Variants in KIF21A observed in about 807,000 individuals in gnomAD.
KIF21A encodes the protein kinesin-like protein KIF21A.
In KIF21A, 114 loss-of-function variants were observed where a neutral mutation model predicts 202.9. The ratio of observed to expected loss-of-function variants is 0.56; its 90% CI spans 0.48 to 0.66. The LOEUF (loss-of-function observed/expected upper bound fraction) is 0.66. KIF21A is among the 30% of genes least tolerant of loss of function. The pLI is 0.00. For synonymous variants in KIF21A, 667 were observed against 670.8 expected, an observed-to-expected ratio of 0.99 and a Z score of 0.09; for missense variants, 1,677 against 1,994.9, an observed-to-expected ratio of 0.84 and a Z score of 3.04.
At chr12:39,297,375 C>G (rs950763426) in intron 37 of KIF21A, among the ~76,000 whole-genome samples, 7 of 151,930 alleles carry the variant, frequency 4.6e-5, no homozygotes, top group Admixed American at 2.0e-4. Flanking sequence ...AAGAAAATGT[C>G]GCACATATAC....
intron 3 of KIF21A, 142 bp from the exon 4 acceptor site, chr12:39,368,174 T>C: frequency 4.9e-6 from 3 of 608,488 alleles, no homozygotes; most frequent in Non-Finnish European, 8.6e-6. Context: ...CACATTAAAA[T>C]GAATGAGGCT....
chr12:39,310,746 A>G (rs1943948665), intron 32 of KIF21A, among the ~76,000 whole-genome samples: 1 of 152,014 alleles, frequency 6.6e-6, no homozygotes, highest in Non-Finnish European at 1.5e-5. Flanking sequence ...GCTGGGCATA[A>G]TTCCTCTCTT....
chr12:39,336,466 A>T (rs1946981013), intron 17 of KIF21A, among the ~76,000 whole-genome samples: 1 of 152,200 alleles, frequency 6.6e-6, no homozygotes, highest in African/African-American at 2.4e-5. Flanking sequence ...ATAAGTATAC[A>T]GTTTCAAAAT....
intron 1 of KIF21A, among the ~76,000 whole-genome samples, chr12:39,380,068 G>A (rs1362127438): frequency 6.6e-5 from 10 of 152,078 alleles, no homozygotes; most frequent in Non-Finnish European, 1.5e-4. Context: ...CCCAGGTTCA[G>A]GCAATTCTCC....
At chr12:39,326,184 A>G in intron 25 of KIF21A, 80 bp downstream of exon 25, 1 of 1,083,796 alleles carries the variant, frequency 9.2e-7, no homozygotes, top group Non-Finnish European at 1.4e-6. Flanking sequence ...TTTCTGTTTT[A>G]TGGTAATTGT....
intron 31 of KIF21A, among the ~76,000 whole-genome samples, chr12:39,314,531 C>A (rs1592087605): frequency 2.0e-5 from 3 of 151,634 alleles, no homozygotes. Context: ...ATATATAGGT[C>A]AAAAAGCTGA....
At chr12:39,414,874 A>G (rs1953410156) in intron 1 of KIF21A, among the ~76,000 whole-genome samples, 1 of 151,676 alleles carries the variant, frequency 6.6e-6, no homozygotes, top group Non-Finnish European at 1.5e-5. Context: ...ATTACTTACT[A>G]TATACAAGGT....
At chr12:39,437,041 G>A (rs1156329190) in intron 1 of KIF21A, among the ~76,000 whole-genome samples, 2 of 152,100 alleles carry the variant, frequency 1.3e-5, no homozygotes, top group East Asian at 1.9e-4. Flanking sequence ...TTATAAGTCC[G>A]AGACTCATCT....
At chr12:39,295,912 C>T (rs1159330363) in intron 37 of KIF21A, among the ~76,000 whole-genome samples, 24 of 150,926 alleles carry the variant, frequency 1.6e-4, no homozygotes, top group African/African-American at 5.6e-4. Context: ...ACCATGTTGG[C>T]CAGCCTCGAT....
intron 35 of KIF21A, among the ~76,000 whole-genome samples, chr12:39,303,686 A>G (rs1565643338): frequency 1.3e-5 from 2 of 152,194 alleles, no homozygotes; most frequent in African/African-American, 4.8e-5. Flanking sequence ...AAAATATTAC[A>G]TATCAATCCA....
chr12:39,359,994 C>T (rs754072769), intron 7 of KIF21A, among the ~76,000 whole-genome samples: 1 of 151,958 alleles, frequency 6.6e-6, no homozygotes, highest in Non-Finnish European at 1.5e-5. Flanking sequence ...TATTAACTCA[C>T]CACAAATTGG....
At chr12:39,376,619 T>C (rs1950285769) in intron 1 of KIF21A, among the ~76,000 whole-genome samples, 1 of 152,296 alleles carries the variant, frequency 6.6e-6, no homozygotes. Flanking sequence ...AATAAGTCTA[T>C]GCTATTATAG....
In KIF21A at chr12:39,317,929, T is replaced by C. The variant is rs1278973812; in HGVS notation, c.3908+144A>G. 5 of 812,144 alleles carry C rather than the reference T, an allele frequency of 6.2e-6. No homozygotes were observed. In the East Asian group the frequency reaches 8.0e-5, roughly 13 times the overall value. The allele number at this position is 812,144 out of a possible 1,614,324, so 50.3% of individuals were successfully genotyped here. On this transcript the variant is annotated intron_variant, in intron 29 of 37. Transcript: ENST00000361418. ...TTTTGGCTGCATGGTTCCTTTCCCATTGGAAAGATGCATAAAATATGGCAA... is the reference window on the plus strand; with the variant it reads ...TTTTGGCTGCATGGTTCCTTTCCCACTGGAAAGATGCATAAAATATGGCAA...
intron 1 of KIF21A, among the ~76,000 whole-genome samples, chr12:39,420,074 T>TAAAAAAAAAAAAA (rs72435342): frequency 1.1e-4 from 9 of 83,070 alleles, no homozygotes; most frequent in Admixed American, 4.2e-4. Flanking sequence ...AGACAGAAAG[T>TAAAAAAAAAAAAA]AAAAAAAAAA....
chr12:39,317,801 T>C (rs1944728085), intron 29 of KIF21A, among the ~76,000 whole-genome samples: 1 of 152,196 alleles, frequency 6.6e-6, no homozygotes, highest in South Asian at 2.1e-4. Context: ...GATTTTTCAG[T>C]TCTAATTTAC....
intron 1 of KIF21A, among the ~76,000 whole-genome samples, chr12:39,372,531 C>T (rs567716173): frequency 1.3e-5 from 2 of 152,198 alleles, no homozygotes; most frequent in East Asian, 1.9e-4. Flanking sequence ...TCCAAGATTG[C>T]TTTTAGATCT....
intron 1 of KIF21A, among the ~76,000 whole-genome samples, chr12:39,417,625 C>T (rs527751054): frequency 6.6e-6 from 1 of 152,206 alleles, no homozygotes; most frequent in South Asian, 2.1e-4. Flanking sequence ...ATACCAATAA[C>T]ACTTAATTTT....
intron 33 of KIF21A, among the ~76,000 whole-genome samples, chr12:39,309,164 T>A (rs1360324053): frequency 6.6e-6 from 1 of 152,170 alleles, no homozygotes; most frequent in South Asian, 2.1e-4. Flanking sequence ...CTTTTCAATC[T>A]CTGTTAATTA....
intron 1 of KIF21A, among the ~76,000 whole-genome samples, chr12:39,409,559 C>G (rs1347326241): frequency 6.7e-6 from 1 of 149,690 alleles, no homozygotes; most frequent in Non-Finnish European, 1.5e-5. Context: ...TAAATATTAC[C>G]AAAGATGGAG....
Sources: allele counts gnomAD v4.1 joint callset (sites outside exome capture counted in the v4.1 genomes callset), GRCh38; gene constraint gnomAD v4.1.1; transcripts MANE v1.5; gene names NCBI Gene and HGNC (gene_info 2026-07-23, HGNC 2026-07-21).